The following CALD1 variants were observed in gnomAD, a reference collection of about 807,000 sequenced individuals.
CALD1 encodes the protein caldesmon 1.
Under a neutral mutation model 99.9 loss-of-function variants are expected in CALD1, and 33 were observed. The ratio of observed to expected loss-of-function variants is 0.33; its 90% CI spans 0.25 to 0.44. The LOEUF is 0.44. CALD1 is among the 20% of genes least tolerant of loss of function. CALD1 has a pLI of 1.00. For missense variants in CALD1, 861 were observed against 962.1 expected (o/e 0.89, Z 1.39); for synonymous variants, 310 against 325.0 (o/e 0.95, Z 0.50).
intron 3 of CALD1, among the ~76,000 whole-genome samples, chr7:134,900,877 C>A (rs1802941498): frequency 6.6e-6 from 1 of 152,064 alleles, no homozygotes; most frequent in African/African-American, 2.4e-5. Flanking sequence ...CTTCTGCCAA[C>A]AAACTGATAG....
chr7:134,895,759 CT>C (rs1802529895), intron 3 of CALD1, among the ~76,000 whole-genome samples: 1 of 152,214 alleles, frequency 6.6e-6, no homozygotes, highest in African/African-American at 2.4e-5. Flanking sequence ...ATATAGTGAA[CT>C]TCCAGTTTCT....
chr7:134,737,400 A>T, the CALD1 span, among the ~76,000 whole-genome samples: 1 of 152,060 alleles, frequency 6.6e-6, no homozygotes, highest in Non-Finnish European at 1.5e-5. Context: ...AAGTACTGGG[A>T]TTACAGGCAT....
chr7:134,959,030 G>T (rs183333627), intron 11 of CALD1, among the ~76,000 whole-genome samples: 1 of 150,754 alleles, frequency 6.6e-6, no homozygotes, highest in Non-Finnish European at 1.5e-5. Context: ...CCAATTGTGT[G>T]CCATGCTTTA....
At chr7:134,749,267 C>T (rs1424345122) in intron 1 of CALD1, among the ~76,000 whole-genome samples, 1 of 152,198 alleles carries the variant, frequency 6.6e-6, no homozygotes, top group Non-Finnish European at 1.5e-5. Flanking sequence ...CACCTCTCAG[C>T]CCTGGAACCA....
chr7:134,781,640 A>T (rs1263645722), intron 1 of CALD1, among the ~76,000 whole-genome samples: 1 of 152,208 alleles, frequency 6.6e-6, no homozygotes. Flanking sequence ...AAATATAATC[A>T]CAAAATTCCA....
At chr7:134,754,272 A>T (rs1371811316) in intron 1 of CALD1, among the ~76,000 whole-genome samples, 1 of 152,188 alleles carries the variant, frequency 6.6e-6, no homozygotes, top group Non-Finnish European at 1.5e-5. Context: ...ATGATGAGTA[A>T]GACCATCTTC....
the CALD1 span, among the ~76,000 whole-genome samples, chr7:134,724,003 A>G: frequency 6.6e-6 from 1 of 152,216 alleles, no homozygotes; most frequent in Non-Finnish European, 1.5e-5. Flanking sequence ...TTTGCCTTTT[A>G]GACAAAAAGA....
At chr7:134,753,198 G>C (rs1021646694) in intron 1 of CALD1, among the ~76,000 whole-genome samples, 1 of 152,074 alleles carries the variant, frequency 6.6e-6, no homozygotes, top group Non-Finnish European at 1.5e-5. Context: ...GCTCTGAAAA[G>C]AGAACTGAAA....
intron 3 of CALD1, among the ~76,000 whole-genome samples, chr7:134,871,054 C>G (rs927289394): frequency 6.6e-6 from 1 of 152,172 alleles, no homozygotes; most frequent in African/African-American, 2.4e-5. Context: ...AGACCCTGAG[C>G]AAGTCCCTCT....
At chr7:134,953,989 T>C (rs1437761678) in intron 9 of CALD1, among the ~76,000 whole-genome samples, 3 of 152,238 alleles carry the variant, frequency 2.0e-5, no homozygotes, top group African/African-American at 7.2e-5. Context: ...ACTCTGATTT[T>C]CAAGCTCAAT....
chr7:134,791,602 C>G (rs1797536067), intron 1 of CALD1, among the ~76,000 whole-genome samples: 1 of 152,162 alleles, frequency 6.6e-6, no homozygotes, highest in Non-Finnish European at 1.5e-5. Flanking sequence ...TCTTGCCATA[C>G]AGAGTGCCCA....
intron 3 of CALD1, among the ~76,000 whole-genome samples, chr7:134,909,509 C>G (rs1177310657): frequency 6.6e-6 from 1 of 152,144 alleles, no homozygotes; most frequent in African/African-American, 2.4e-5. Flanking sequence ...ACAGTGAAAC[C>G]CTGTCTCTAC....
the CALD1 span, among the ~76,000 whole-genome samples, chr7:134,718,265 G>T: frequency 2.0e-5 from 3 of 152,170 alleles, no homozygotes; most frequent in Non-Finnish European, 4.4e-5. Flanking sequence ...ACCATTTATT[G>T]TAAGCTTGAT....
chr7:134,939,520 A>G (rs1806259499), intron 6 of CALD1, among the ~76,000 whole-genome samples: 1 of 152,224 alleles, frequency 6.6e-6, no homozygotes, highest in Non-Finnish European at 1.5e-5. Context: ...TCCTAGGTAT[A>G]TACCCCATGG....
At chr7:134,713,257 T>C in the CALD1 span, among the ~76,000 whole-genome samples, 8 of 152,376 alleles carry the variant, frequency 5.3e-5, no homozygotes, top group East Asian at 9.6e-4. Context: ...TTCATGTTAA[T>C]TTCCACTCTA....
intron 1 of CALD1, among the ~76,000 whole-genome samples, chr7:134,773,345 G>T (rs1413664226): frequency 1.3e-5 from 2 of 151,354 alleles, no homozygotes; most frequent in Non-Finnish European, 2.9e-5. Context: ...CACAATCATG[G>T]CTCACTGCGG....
chr7:134,758,501 G>GGTGT (rs59389296), intron 1 of CALD1, among the ~76,000 whole-genome samples: 31,397 of 144,922 alleles, frequency 0.22, 4,023 homozygotes, highest in East Asian at 0.39. Context: ...CTCCCATTGG[G>GGTGT]GTGTGTGTGT....
chr7:134,886,724 G>A (rs923541093), intron 3 of CALD1, among the ~76,000 whole-genome samples: 2 of 152,188 alleles, frequency 1.3e-5, no homozygotes, highest in African/African-American at 4.8e-5. Flanking sequence ...AATCTAGTTC[G>A]ATAACAGGAT....
At chr7:134,870,150 T>G (rs1354111735) in intron 3 of CALD1, among the ~76,000 whole-genome samples, 1 of 152,198 alleles carries the variant, frequency 6.6e-6, no homozygotes, top group Non-Finnish European at 1.5e-5. Flanking sequence ...TAGACATGGT[T>G]CTTGCCTTTA....
Sources: gnomAD v4.1 joint callset for allele counts (sites outside exome capture counted in the v4.1 genomes callset) on GRCh38, gnomAD v4.1.1 for gene constraint, MANE v1.5 for transcripts, NCBI Gene and HGNC (gene_info 2026-07-23, HGNC 2026-07-21) for gene names.